Variants in SEMA6D observed in about 807,000 individuals in gnomAD.
SEMA6D encodes semaphorin-6D.
A neutral mutation model predicts 106.6 loss-of-function variants in SEMA6D; 35 were observed. That is an observed-to-expected ratio of 0.33 (90% CI 0.25 to 0.44). The LOEUF is 0.44. SEMA6D is among the 20% of genes least tolerant of loss of function. The pLI, the probability that SEMA6D is intolerant of heterozygous loss-of-function variation, is 1.00. For synonymous variants in SEMA6D, 499 were observed against 487.7 expected, an observed-to-expected ratio of 1.02 and a Z score of -0.31; for missense variants, 1,185 against 1,345.9, an observed-to-expected ratio of 0.88 and a Z score of 1.87.
rs2148013713 is a variant in SEMA6D, at chr15:47,773,000, T to G, written c.*1215T>G. 6.6e-6 allele frequency: 1 copy of G among 152,652 alleles called. No homozygotes were observed. The highest frequency in any genetic ancestry group is 1.5e-5 in the Non-Finnish European group (1 of 68,028). The allele number at this position is 152,652 out of a possible 1,614,324, so 9.5% of individuals were successfully genotyped here. A position where few individuals can be genotyped will look rare whatever the true frequency, so the allele number is the denominator to read the frequency against. On this transcript the variant is annotated 3_prime_UTR_variant, in exon 19 of 19. Transcript: ENST00000536845. ...TTGTCTGTGTTGTGTTATGTGAGAA[T>G]TTTCTCCTAAGTCATGCAGGTAATG...
At chr15:47,689,521 A>C (rs2145731870) in intron 4 of SEMA6D, among the ~76,000 whole-genome samples, 1 of 152,372 alleles carries the variant, frequency 6.6e-6, no homozygotes, top group East Asian at 1.9e-4. Flanking sequence ...GTGAGATGAT[A>C]GGAAAAAAGA....
chr15:47,726,378 A>T (rs1045979438), intron 1 of SEMA6D, among the ~76,000 whole-genome samples: 1 of 152,262 alleles, frequency 6.6e-6, no homozygotes, highest in Non-Finnish European at 1.5e-5. Flanking sequence ...TCATTTGATC[A>T]GCATTCTTTG....
chr15:47,390,927 A>G (rs796472702), intron 1 of SEMA6D, among the ~76,000 whole-genome samples: 8 of 152,306 alleles, frequency 5.3e-5, no homozygotes, highest in African/African-American at 1.9e-4. Flanking sequence ...ACTCAGAAGC[A>G]GAGTCAAGAG....
Position 47,320,598 on chromosome 15 carries a change from T to G in SEMA6D, c.-238-91795T>G, listed in dbSNP as rs200635342. 7.9e-5 allele frequency among the ~76,000 whole-genome samples: 12 copies of G among 152,304 alleles called. No homozygotes were observed. The East Asian group carries it at 2.3e-3, about 29-fold the overall frequency. Reference sequence around the variant, plus strand: ...CTCCCTATGCACCATATACTACAGATGTCCACATGTTTTGTAACTCCTCAT... The same window carrying G: ...CTCCCTATGCACCATATACTACAGAGGTCCACATGTTTTGTAACTCCTCAT... On this transcript the variant is annotated intron_variant, in intron 1 of 19. Transcript: ENST00000558014.
chr15:47,686,064 G>A, intron 4 of SEMA6D, among the ~76,000 whole-genome samples: 1 of 152,112 alleles, frequency 6.6e-6, no homozygotes, highest in East Asian at 1.9e-4. Flanking sequence ...AAAAAAATGA[G>A]TAGTACTCTC....
chr15:47,433,013 A>G (rs1347925216), intron 2 of SEMA6D, among the ~76,000 whole-genome samples: 1 of 152,092 alleles, frequency 6.6e-6, no homozygotes, highest in Non-Finnish European at 1.5e-5. Context: ...AGGTTACTCA[A>G]AAATTTTGAC....
chr15:47,597,335 C>T (rs902824475), intron 3 of SEMA6D, among the ~76,000 whole-genome samples: 16 of 151,938 alleles, frequency 1.1e-4, no homozygotes, highest in South Asian at 2.1e-4. Context: ...AAAAACAGAA[C>T]GACAGTATGG....
In SEMA6D at chr15:47,409,193, A is replaced by G. The variant is rs143807520; in HGVS notation, c.-238-3200A>G. 2.0e-5 allele frequency among the ~76,000 whole-genome samples: 3 copies of G among 152,306 alleles called. No homozygotes were observed. In the East Asian group the frequency reaches 5.8e-4, roughly 29 times the overall value. On this transcript the variant is annotated intron_variant, in intron 1 of 19. Coordinates refer to the SEMA6D transcript ENST00000558014. ...TAGACAGCTTTTTCTTGCCTATCGT[A>G]CAGCTGTGAGTGTGGGAGCACAATT...
chr15:47,339,886 GAGAA>G (rs748730513), intron 1 of SEMA6D, among the ~76,000 whole-genome samples: 2 of 151,214 alleles, frequency 1.3e-5, no homozygotes, highest in Middle Eastern at 3.4e-3. Flanking sequence ...GAAAGAGAGA[GAGAA>G]AGAAAAAGAG....
intron 1 of SEMA6D, among the ~76,000 whole-genome samples, chr15:47,718,213 G>C (rs1198395924): frequency 6.6e-6 from 1 of 152,220 alleles, no homozygotes; most frequent in Non-Finnish European, 1.5e-5. Flanking sequence ...GCCGCCTGCG[G>C]GCTTAGCCGC....
chr15:47,720,571 A>G (rs1271604142), intron 1 of SEMA6D, among the ~76,000 whole-genome samples: 1 of 152,182 alleles, frequency 6.6e-6, no homozygotes, highest in Non-Finnish European at 1.5e-5. Context: ...CATGCACAGA[A>G]AGGCTCTGTC....
At chr15:47,673,188 A>C (rs2078171683) in intron 4 of SEMA6D, among the ~76,000 whole-genome samples, 1 of 152,208 alleles carries the variant, frequency 6.6e-6, no homozygotes, top group Non-Finnish European at 1.5e-5. Flanking sequence ...AAAAAGAACT[A>C]AATTATTTGC....
chr15:47,587,330 C>T (rs1325824214), intron 3 of SEMA6D, among the ~76,000 whole-genome samples: 2 of 152,186 alleles, frequency 1.3e-5, no homozygotes, highest in Non-Finnish European at 2.9e-5. Context: ...GCCCTGGCTC[C>T]ATCTTACATT....
At chr15:47,486,275 G>C (rs1281824653) in intron 3 of SEMA6D, among the ~76,000 whole-genome samples, 1 of 152,196 alleles carries the variant, frequency 6.6e-6, no homozygotes, top group Non-Finnish European at 1.5e-5. Context: ...TGCAACTCAT[G>C]TCAAGAAAAT....
At chr15:47,323,290 A>G (rs889755587) in intron 1 of SEMA6D, among the ~76,000 whole-genome samples, 2 of 152,270 alleles carry the variant, frequency 1.3e-5, no homozygotes, top group Middle Eastern at 3.4e-3. Flanking sequence ...GCATTTTAGC[A>G]TGTTCCAGGT....
chr15:47,730,702 G>T, intron 1 of SEMA6D: 2 of 1,607,064 alleles, frequency 1.2e-6, no homozygotes, highest in Non-Finnish European at 1.7e-6. Context: ...CTGGTTAATC[G>T]CAGGAGGCAC....
At chr15:47,353,982 A>T (rs933560550) in intron 1 of SEMA6D, among the ~76,000 whole-genome samples, 13 of 152,140 alleles carry the variant, frequency 8.5e-5, no homozygotes, top group African/African-American at 3.1e-4. Flanking sequence ...AAAAAAACAG[A>T]ACTCAAAATA....
intron 1 of SEMA6D, among the ~76,000 whole-genome samples, chr15:47,194,060 TA>T (rs1324256575): frequency 1.3e-5 from 2 of 151,024 alleles, no homozygotes; most frequent in Non-Finnish European, 2.9e-5. Flanking sequence ...GGTGAGTGGG[TA>T]GGTGGATGGA....
At chr15:47,488,292 A>G (rs1002703076) in intron 3 of SEMA6D, among the ~76,000 whole-genome samples, 1 of 152,010 alleles carries the variant, frequency 6.6e-6, no homozygotes, top group African/African-American at 2.4e-5. Context: ...GTTGGGAGAT[A>G]TTATTCTGGT....
Sources: allele counts gnomAD v4.1 joint callset (sites outside exome capture counted in the v4.1 genomes callset), GRCh38; gene constraint gnomAD v4.1.1; transcripts MANE v1.5; gene names NCBI Gene and HGNC (gene_info 2026-07-23, HGNC 2026-07-21).